The following MYO3B variants were observed in gnomAD, a reference collection of about 807,000 sequenced individuals.
The protein encoded by MYO3B is myosin IIIB, also known as myosin-IIIb.
In MYO3B, 156 loss-of-function variants were observed where a neutral mutation model predicts 174.6. The observed-to-expected ratio is 0.89, with a 90% CI of 0.78 to 1.02. The LOEUF (loss-of-function observed/expected upper bound fraction) is 1.02, where lower values mean the gene tolerates loss of function less well. Among genes scored for constraint, MYO3B ranks in the 50% least tolerant of loss-of-function variants. The pLI, the probability that MYO3B is intolerant of heterozygous loss-of-function variation, is 0.00. For synonymous variants in MYO3B, 563 were observed against 569.1 expected, an observed-to-expected ratio of 0.99 and a Z score of 0.15; for missense variants, 1,632 against 1,639.4, an observed-to-expected ratio of 1.00 and a Z score of 0.08.
chr2:170,592,891 T>G (rs1306762573), intron 32 of MYO3B, among the ~76,000 whole-genome samples: 11 of 152,136 alleles, frequency 7.2e-5, no homozygotes. Context: ...GACAGATATA[T>G]CTATATCTGT....
chr2:170,615,726 C>T (rs1559161608), intron 32 of MYO3B, among the ~76,000 whole-genome samples: 1 of 152,136 alleles, frequency 6.6e-6, no homozygotes. Context: ...GGTGTATTGG[C>T]AGGTTGAGAA....
At chr2:170,248,180 T>C (rs186932950) in intron 7 of MYO3B, among the ~76,000 whole-genome samples, 8 of 152,264 alleles carry the variant, frequency 5.3e-5, no homozygotes, top group Admixed American at 3.3e-4. Flanking sequence ...TCCACACTTA[T>C]CTCTGATGAA....
chr2:170,551,806 G>A (rs773897088), intron 32 of MYO3B, among the ~76,000 whole-genome samples: 1 of 152,162 alleles, frequency 6.6e-6, no homozygotes, highest in Non-Finnish European at 1.5e-5. Context: ...TTGGGGGAGG[G>A]ACCTGGTGGG....
intron 7 of MYO3B, among the ~76,000 whole-genome samples, chr2:170,313,929 C>T (rs1321361719): frequency 6.6e-6 from 1 of 152,144 alleles, no homozygotes; most frequent in East Asian, 1.9e-4. Flanking sequence ...GACTCACACA[C>T]AGCCCTGCAT....
chr2:170,650,021 T>TC (rs1698884017), intron 32 of MYO3B: 1 of 53,284 alleles, frequency 1.9e-5, no homozygotes, highest in Admixed American at 1.9e-4. Context: ...GTGATAGTCT[T>TC]TTTTTTTTTT....
chr2:170,252,900 C>T (rs2093268473), intron 7 of MYO3B, among the ~76,000 whole-genome samples: 1 of 152,088 alleles, frequency 6.6e-6, no homozygotes, highest in African/African-American at 2.4e-5. Context: ...AGCAAGGAGA[C>T]CAAGGCAGCT....
chr2:170,599,488 C>T (rs961088785), intron 32 of MYO3B, among the ~76,000 whole-genome samples: 3 of 151,658 alleles, frequency 2.0e-5, no homozygotes, highest in African/African-American at 4.8e-5. Context: ...GTTTTTTTGC[C>T]GTAATCCCAG....
At chr2:170,452,792 C>T (rs1683670851) in intron 23 of MYO3B, among the ~76,000 whole-genome samples, 1 of 152,106 alleles carries the variant, frequency 6.6e-6, no homozygotes, top group Non-Finnish European at 1.5e-5. Flanking sequence ...AAAATTAAGA[C>T]AGGAAATCAG....
chr2:170,623,859 G>C (rs1236581088), intron 32 of MYO3B, among the ~76,000 whole-genome samples: 1 of 152,110 alleles, frequency 6.6e-6, no homozygotes, highest in Non-Finnish European at 1.5e-5. Flanking sequence ...GTTTTTGTCA[G>C]GTTTGTCAAA....
intron 25 of MYO3B, among the ~76,000 whole-genome samples, chr2:170,496,202 G>C (rs1459280180): frequency 6.6e-6 from 1 of 152,162 alleles, no homozygotes; most frequent in Non-Finnish European, 1.5e-5. Flanking sequence ...GAATGCAAAT[G>C]TTTCCAGCAA....
chr2:170,462,614 A>G (rs1010803841), intron 23 of MYO3B, among the ~76,000 whole-genome samples: 46 of 152,236 alleles, frequency 3.0e-4, no homozygotes, highest in African/African-American at 1.0e-3. Flanking sequence ...TCTGCTTTAT[A>G]CCCTTGCCAC....
intron 1 of MYO3B, among the ~76,000 whole-genome samples, chr2:170,189,151 G>T (rs2092507894): frequency 6.6e-6 from 1 of 151,994 alleles, no homozygotes; most frequent in Non-Finnish European, 1.5e-5. Flanking sequence ...TTTTCCTTCA[G>T]CAATTTAAAT....
At chr2:170,356,789 A>ATTTTTTTTTTTTTT (rs2094124862) in intron 8 of MYO3B, among the ~76,000 whole-genome samples, 1 of 151,974 alleles carries the variant, frequency 6.6e-6, no homozygotes, top group South Asian at 2.1e-4. Context: ...CTTTAAAAAA[A>ATTTTTTTTTTTTTT]TGTTTTAAGA....
At chr2:170,240,332 A>G (rs2093117293) in intron 7 of MYO3B, among the ~76,000 whole-genome samples, 1 of 152,184 alleles carries the variant, frequency 6.6e-6, no homozygotes, top group Non-Finnish European at 1.5e-5. Context: ...AGCTGCTAAG[A>G]TCTGTCAAGT....
chr2:170,198,433 C>A (rs2092624582), intron 1 of MYO3B, among the ~76,000 whole-genome samples: 1 of 152,160 alleles, frequency 6.6e-6, no homozygotes, highest in African/African-American at 2.4e-5. Flanking sequence ...TCAGTTTCTG[C>A]ATGTTGATAT....
chr2:170,258,836 G>A (rs1247152921), intron 7 of MYO3B, among the ~76,000 whole-genome samples: 3 of 151,974 alleles, frequency 2.0e-5, no homozygotes, highest in Non-Finnish European at 4.4e-5. Context: ...CCACCTAAAA[G>A]GCTCCTAGAA....
chr2:170,352,860 C>A (rs1246810587), intron 8 of MYO3B, among the ~76,000 whole-genome samples: 1 of 152,080 alleles, frequency 6.6e-6, no homozygotes, highest in Non-Finnish European at 1.5e-5. Flanking sequence ...AATGAGATAC[C>A]ACTACATACC....
chr2:170,536,973 A>G (rs137966113), intron 30 of MYO3B, among the ~76,000 whole-genome samples: 10,997 of 152,062 alleles, frequency 0.072, 959 homozygotes, highest in African/African-American at 0.2. Context: ...AGTCTGAGGC[A>G]GGTGAATCAC....
At chr2:170,196,386 G>T (rs2092600379) in intron 1 of MYO3B, among the ~76,000 whole-genome samples, 2 of 152,098 alleles carry the variant, frequency 1.3e-5, no homozygotes, top group Non-Finnish European at 2.9e-5. Flanking sequence ...GGTAGCACAT[G>T]CTTGTGGTCC....
Sources: gnomAD v4.1 joint callset for allele counts (sites outside exome capture counted in the v4.1 genomes callset) on GRCh38, gnomAD v4.1.1 for gene constraint, MANE v1.5 for transcripts, NCBI Gene and HGNC (gene_info 2026-07-23, HGNC 2026-07-21) for gene names.